Variants in ASPH observed in about 807,000 individuals in gnomAD.
The protein encoded by ASPH is aspartyl/asparaginyl beta-hydroxylase.
Under a neutral mutation model 118.4 loss-of-function variants are expected in ASPH, and 100 were observed. The observed-to-expected ratio is 0.84, with a 90% confidence interval of 0.72 to 1.00. ASPH has a LOEUF of 1.00. ASPH is among the 50% of genes least tolerant of loss of function. The pLI is 0.00. For synonymous variants in ASPH, 315 were observed against 325.6 expected (o/e 0.97, Z 0.35); for missense variants, 920 against 919.5 (o/e 1.00, Z -0.01).
chr8:61,690,798 T>A (rs1271339107), intron 1 of ASPH, among the ~76,000 whole-genome samples: 1 of 152,170 alleles, frequency 6.6e-6, no homozygotes, highest in Admixed American at 6.5e-5. Flanking sequence ...ATATTGCCAA[T>A]ATTTCTTCTG....
chr8:61,640,568 T>C (rs1804659639), intron 10 of ASPH, among the ~76,000 whole-genome samples: 1 of 152,234 alleles, frequency 6.6e-6, no homozygotes, highest in African/African-American at 2.4e-5. Context: ...GTCTCTTGAT[T>C]ACATATTCTT....
Position 61,562,880 on chromosome 8 carries a change from C to A in ASPH, c.1301G>T (p.Gly434Val). 6.3e-7 allele frequency: 1 copy of A among 1,580,820 alleles called. No homozygotes were observed. Among genetic ancestry groups the A allele is most frequent in the Non-Finnish European group, 8.6e-7 (1 of 1,168,642 alleles). ...GGTAAGCAGGGAACCTCTCATATGACCTGAGTAGGTGGGAATTTAAAAAAA... is the reference window on the plus strand; with the variant it reads ...GGTAAGCAGGGAACCTCTCATATGAACTGAGTAGGTGGGAATTTAAAAAAA... ...KRRSDRQQFL[G>V]HMRGSLLTLQ... The change falls in exon 18 of 25, where the codon GGT becomes GTT. Residue 434 changes from glycine (G) to valine (V), a missense_variant and splice_region_variant. By Grantham distance (109) the Gly-to-Val change is moderately radical. Coordinates refer to ENST00000379454, the MANE Select transcript of ASPH (RefSeq NM_004318.4).
chr8:61,578,938 C>T (rs1415487927), intron 15 of ASPH: 14 of 1,611,204 alleles, frequency 8.7e-6, no homozygotes, highest in Middle Eastern at 1.8e-4. Flanking sequence ...TCCCAGATCT[C>T]GGACACATCT....
rs573375874 is a variant in ASPH, at chr8:61,686,735, C to T, written c.104-2547G>A. ...AATTTCCTGCCTTTGCTACTTATTG[C>T]CTCTAAGAATCAAATTGAATTTTTT... On this transcript the variant is annotated intron_variant, in intron 1 of 24. Coordinates refer to ENST00000379454, the MANE Select transcript of ASPH (RefSeq NM_004318.4). 7.2e-5 allele frequency among the ~76,000 whole-genome samples: 11 copies of T among 152,170 alleles called. No homozygotes were observed. The East Asian group carries it at 1.9e-3, about 27-fold the overall frequency.
rs367936870 is a variant in ASPH at position 61,533,854 on chromosome 8, A to C, written c.1765-7742T>G. ...GCTATTGTCTCCCTTTAAAAAATAC[A>C]ATTTGTGCCATTTTATTCTTGTATT... On this transcript the variant is annotated intron_variant, in intron 21 of 24. Transcript: ENST00000379454. Among the ~76,000 whole-genome samples the C allele has an allele frequency of 6.0e-4, 92 of 152,334 alleles. 1 individual carries two copies. The Middle Eastern group carries it at 0.027, about 45-fold the overall frequency.
intron 21 of ASPH, among the ~76,000 whole-genome samples, chr8:61,530,658 CCTAA>C (rs1782030719): frequency 6.6e-6 from 1 of 152,162 alleles, no homozygotes; most frequent in African/African-American, 2.4e-5. Flanking sequence ...CAAACTAAAG[CCTAA>C]CTCATTTTTA....
At chr8:61,679,922 TAATTCCCA>T (rs1199501207) in intron 3 of ASPH, among the ~76,000 whole-genome samples, 5 of 127,538 alleles carry the variant, frequency 3.9e-5, no homozygotes, top group South Asian at 2.5e-4. Context: ...GCACAAACAC[TAATTCCCA>T]ATGGGCAATA....
intron 15 of ASPH, among the ~76,000 whole-genome samples, chr8:61,582,349 C>T (rs1587626990): frequency 6.6e-6 from 1 of 152,166 alleles, no homozygotes; most frequent in Non-Finnish European, 1.5e-5. Flanking sequence ...CCAAAAGTCA[C>T]CTGTGCAATA....
intron 24 of ASPH, among the ~76,000 whole-genome samples, chr8:61,514,947 G>C (rs575143476): frequency 5.9e-5 from 9 of 151,434 alleles, no homozygotes; most frequent in African/African-American, 1.7e-4. Context: ...CAGGAAGGCA[G>C]GGAGGCAGGA....
chr8:61,508,416 C>A (rs975526876), intron 24 of ASPH, among the ~76,000 whole-genome samples: 1 of 152,142 alleles, frequency 6.6e-6, no homozygotes, highest in Non-Finnish European at 1.5e-5. Flanking sequence ...ATTCCATAAT[C>A]TGTCAACTTC....
At chr8:61,663,256 C>G in intron 3 of ASPH, 1 of 985,338 alleles carries the variant, frequency 1.0e-6, no homozygotes, top group Non-Finnish European at 1.2e-6. Flanking sequence ...GGGACCCACT[C>G]AACTCCCATT....
chr8:61,696,475 T>C (rs1833953896), intron 1 of ASPH, among the ~76,000 whole-genome samples: 2 of 152,176 alleles, frequency 1.3e-5, no homozygotes, highest in Non-Finnish European at 2.9e-5. Context: ...AATCAAAATA[T>C]GGGTCCACCC....
intron 14 of ASPH, among the ~76,000 whole-genome samples, chr8:61,608,113 A>G (rs950418619): frequency 2.0e-5 from 3 of 152,228 alleles, no homozygotes; most frequent in Non-Finnish European, 4.4e-5. Context: ...GCATCAATGC[A>G]GTAGTAACTG....
At chr8:61,517,164 G>A (rs1661297413) in intron 24 of ASPH, 1 of 184,730 alleles carries the variant, frequency 5.4e-6, no homozygotes, top group Non-Finnish European at 1.1e-5. Context: ...ACTTCTTGTA[G>A]TCATGAATAA....
intron 1 of ASPH, among the ~76,000 whole-genome samples, chr8:61,702,714 A>G (rs1241768785): frequency 6.6e-6 from 1 of 152,222 alleles, no homozygotes; most frequent in African/African-American, 2.4e-5. Context: ...GGTCAGTTTT[A>G]CTCATGGATC....
intron 14 of ASPH, among the ~76,000 whole-genome samples, chr8:61,605,375 G>A (rs187147480): frequency 8.5e-5 from 13 of 152,250 alleles, no homozygotes; most frequent in African/African-American, 2.2e-4. Flanking sequence ...TGACACCAGC[G>A]ACAAAGCCAA....
intron 13 of ASPH, chr8:61,624,423 T>C (rs989969383): frequency 2.0e-6 from 2 of 984,986 alleles, no homozygotes; most frequent in Non-Finnish European, 2.4e-6. Context: ...TCCTTTGTGA[T>C]TTTAGTTATC....
At chr8:61,667,750 A>G (rs993464342) in intron 3 of ASPH, among the ~76,000 whole-genome samples, 1 of 152,190 alleles carries the variant, frequency 6.6e-6, no homozygotes, top group African/African-American at 2.4e-5. Context: ...CCAAGTTTTC[A>G]TTTTACTGAA....
chr8:61,676,340 A>G, intron 3 of ASPH: 2 of 1,559,156 alleles, frequency 1.3e-6, no homozygotes, highest in Admixed American at 1.9e-5. Context: ...ATAAAGGAAG[A>G]GAGAGAGAAA....
Sources: allele counts gnomAD v4.1 joint callset (sites outside exome capture counted in the v4.1 genomes callset), GRCh38; gene constraint gnomAD v4.1.1; transcripts MANE v1.5; gene names NCBI Gene and HGNC (gene_info 2026-07-23, HGNC 2026-07-21).